ENPP2: variants seen among roughly 807,000 people sequenced by gnomAD.
The protein encoded by ENPP2 is autotaxin.
Under a neutral mutation model 120.2 loss-of-function variants are expected in ENPP2, and 51 were observed. The ratio of observed to expected loss-of-function variants is 0.42; its 90% confidence interval spans 0.34 to 0.54. ENPP2 has a LOEUF of 0.54. ENPP2 is among the 20% of genes least tolerant of loss of function. The pLI, the probability that ENPP2 is intolerant of heterozygous loss-of-function variation, is 0.04. For synonymous variants in ENPP2, 365 were observed against 366.4 expected, an observed-to-expected ratio of 1.00 and a Z score of 0.04; for missense variants, 920 against 1,066.5, an observed-to-expected ratio of 0.86 and a Z score of 1.91.
At chr8:119,588,931 A>G (rs1430726094) in intron 13 of ENPP2, among the ~76,000 whole-genome samples, 1 of 152,162 alleles carries the variant, frequency 6.6e-6, no homozygotes, top group Non-Finnish European at 1.5e-5. Flanking sequence ...TCTGGCTTCA[A>G]ATCTCAGATC....
At chr8:119,629,770 C>A (rs904169967) in intron 2 of ENPP2, among the ~76,000 whole-genome samples, 5 of 151,316 alleles carry the variant, frequency 3.3e-5, no homozygotes, top group African/African-American at 1.2e-4. Context: ...ACCATGGAGG[C>A]AGGAGGGGTT....
Position 119,633,433 on chromosome 8 carries a change from C to T in ENPP2, c.136+4992G>A, listed in dbSNP as rs190836832. Among the ~76,000 whole-genome samples, 580 of 152,244 alleles carry T rather than the reference C, an allele frequency of 3.8e-3. 9 individuals are homozygous for T. Among genetic ancestry groups the T allele is most frequent in the African/African-American group, 0.013 (549 of 41,506 alleles). ...GAGAGCAAAACCTTAAAATGTGTTA[C>T]CAGCTGTGGTTATACCAGCTCCTTT... On this transcript the variant is annotated intron_variant, in intron 2 of 24. Transcript: ENST00000075322.
chr8:119,631,933 G>T (rs1451202991), intron 2 of ENPP2, among the ~76,000 whole-genome samples: 1 of 152,116 alleles, frequency 6.6e-6, no homozygotes, highest in Non-Finnish European at 1.5e-5. Flanking sequence ...TTAAAATCAA[G>T]AAAAATCAAG....
At chr8:119,648,504 C>T (rs2130867764) in intron 1 of ENPP2, among the ~76,000 whole-genome samples, 1 of 152,338 alleles carries the variant, frequency 6.6e-6, no homozygotes, top group Admixed American at 6.5e-5. Flanking sequence ...AGCCCCTCTA[C>T]TTGGATTGGA....
In ENPP2 at chr8:119,628,376, A is replaced by G. The variant is rs189540431; in HGVS notation, c.137-1656T>C. ...ATGCTTATAAATGTTTCACCCAGAA[A>G]TTCTATTACTAGAAATTTACCATTT... On this transcript the variant is annotated intron_variant, in intron 2 of 24. Transcript: ENST00000075322. Among the ~76,000 whole-genome samples, 248 of 152,362 alleles carry G rather than the reference A, an allele frequency of 1.6e-3. 4 individuals are homozygous for G. Among genetic ancestry groups the G allele is most frequent in the African/African-American group, 4.6e-3 (193 of 41,590 alleles).
intron 18 of ENPP2, among the ~76,000 whole-genome samples, chr8:119,581,733 T>C (rs1263643975): frequency 1.3e-5 from 2 of 151,548 alleles, no homozygotes; most frequent in Non-Finnish European, 2.9e-5. Context: ...ACTGAAACAA[T>C]TCCTTTAAAC....
At chr8:119,657,042 C>A (rs1817783024) in intron 1 of ENPP2, among the ~76,000 whole-genome samples, 1 of 152,120 alleles carries the variant, frequency 6.6e-6, no homozygotes, top group African/African-American at 2.4e-5. Context: ...ATTCTCCTGC[C>A]TCAGCCTCCC....
chr8:119,644,533 AG>A (rs1817372479), intron 1 of ENPP2, among the ~76,000 whole-genome samples: 1 of 146,566 alleles, frequency 6.8e-6, no homozygotes, highest in African/African-American at 2.5e-5. Flanking sequence ...AGTTACAATA[AG>A]GGACAGAGCT....
intron 11 of ENPP2, among the ~76,000 whole-genome samples, chr8:119,600,191 ATAACT>A (rs993115391): frequency 2.0e-5 from 3 of 152,168 alleles, no homozygotes; most frequent in Non-Finnish European, 4.4e-5. Context: ...GTCCATTACT[ATAACT>A]TATGCCAAGT....
intron 21 of ENPP2, among the ~76,000 whole-genome samples, chr8:119,568,471 T>G (rs1814671366): frequency 6.6e-6 from 1 of 151,598 alleles, no homozygotes; most frequent in African/African-American, 2.4e-5. Flanking sequence ...CCAAGAGCCA[T>G]TTACAATGTT....
At chr8:119,617,312 T>C (rs1815526044) in intron 6 of ENPP2, 69 bp from the exon 7 acceptor site, 2 of 1,314,996 alleles carry the variant, frequency 1.5e-6, no homozygotes, top group Non-Finnish European at 2.2e-6. Flanking sequence ...ATCCATTTTA[T>C]AAACACTCAG....
At chr8:119,605,928 C>T (rs536497464) in intron 9 of ENPP2, among the ~76,000 whole-genome samples, 2 of 152,186 alleles carry the variant, frequency 1.3e-5, no homozygotes, top group African/African-American at 4.8e-5. Flanking sequence ...TGAATTGGCA[C>T]AAAAGAATGG....
chr8:119,656,303 T>C (rs1357309395), intron 1 of ENPP2, among the ~76,000 whole-genome samples: 1 of 152,196 alleles, frequency 6.6e-6, no homozygotes, highest in East Asian at 1.9e-4. Context: ...GCCTGGTTGT[T>C]TCTCCCAACT....
intron 1 of ENPP2, among the ~76,000 whole-genome samples, chr8:119,649,033 G>A (rs1002777703): frequency 6.6e-6 from 1 of 152,032 alleles, no homozygotes; most frequent in African/African-American, 2.4e-5. Flanking sequence ...CTTGATATAA[G>A]ACAAAAATAC....
intron 1 of ENPP2, among the ~76,000 whole-genome samples, chr8:119,651,876 T>G (rs145331281): frequency 1.3e-5 from 2 of 152,282 alleles, no homozygotes; most frequent in Non-Finnish European, 2.9e-5. Context: ...TAATAGTGGT[T>G]CAATACAGAT....
intron 1 of ENPP2, among the ~76,000 whole-genome samples, chr8:119,646,856 C>G (rs1295703886): frequency 6.6e-6 from 1 of 152,172 alleles, no homozygotes; most frequent in Admixed American, 6.5e-5. Context: ...ATGCCCTTCT[C>G]CACCTAATTT....
intron 3 of ENPP2, among the ~76,000 whole-genome samples, chr8:119,624,081 T>C (rs1470533024): frequency 6.6e-6 from 1 of 152,216 alleles, no homozygotes; most frequent in Non-Finnish European, 1.5e-5. Flanking sequence ...CAATTCAAGG[T>C]GATTCTATCC....
chr8:119,595,878 T>C, intron 11 of ENPP2: 1 of 1,614,058 alleles, frequency 6.2e-7, no homozygotes, highest in African/African-American at 1.3e-5. Flanking sequence ...AGCATAATGA[T>C]CCATCCTATG....
chr8:119,638,909 A>G (rs1029658835), upstream of ENPP2: 5 of 1,131,178 alleles, frequency 4.4e-6, no homozygotes, highest in Non-Finnish European at 6.6e-6. Flanking sequence ...GACTCCTCTG[A>G]TTTGTCCAGA....
Sources: allele counts gnomAD v4.1 joint callset (sites outside exome capture counted in the v4.1 genomes callset), GRCh38; gene constraint gnomAD v4.1.1; transcripts MANE v1.5; gene names NCBI Gene and HGNC (gene_info 2026-07-23, HGNC 2026-07-21).